Variants in MANBA observed in about 807,000 individuals in gnomAD.
MANBA encodes the protein beta-mannosidase.
MANBA carries 83 observed loss-of-function variants against 111.1 expected under a neutral mutation model. The observed-to-expected ratio is 0.75, with a 90% confidence interval of 0.63 to 0.90. The LOEUF is 0.90. MANBA is among the 40% of genes least tolerant of loss of function. The pLI is 0.00. For synonymous variants in MANBA, 370 were observed against 378.7 expected (o/e 0.98, Z 0.27); for missense variants, 1,036 against 1,069.0 (o/e 0.97, Z 0.43).
intron 5 of MANBA, among the ~76,000 whole-genome samples, chr4:102,705,496 C>T (rs1188128940): frequency 6.6e-6 from 1 of 152,156 alleles, no homozygotes; most frequent in African/African-American, 2.4e-5. Context: ...ACTCCACCCC[C>T]TCAGGAGCAG....
In MANBA at chr4:102,631,397, A is replaced by G. The variant is rs1036017650; in HGVS notation, c.*660T>C. On this transcript the variant is annotated 3_prime_UTR_variant, in exon 17 of 17. Coordinates refer to ENST00000647097, the MANE Select transcript of MANBA (RefSeq NM_005908.4). ...CTCTCCCAGTTTACCAAGCAGAATA[A>G]TAACGAGAACTAAATGGAAATTAGG... 21 of 192,498 alleles carry G rather than the reference A, an allele frequency of 1.1e-4. No individual in the cohort carries two copies. Among genetic ancestry groups the G allele is most frequent in the Non-Finnish European group, 2.0e-4 (19 of 95,600 alleles). The allele number at this position is 192,498 out of a possible 1,614,324, so 11.9% of individuals were successfully genotyped here.
chr4:102,687,581 TC>T (rs1189753375), intron 7 of MANBA, among the ~76,000 whole-genome samples: 1 of 152,156 alleles, frequency 6.6e-6, no homozygotes, highest in Non-Finnish European at 1.5e-5. Context: ...CACGTTCTTT[TC>T]CCTCCGCCTC....
At chr4:102,698,229 T>G (rs1428092167) in intron 5 of MANBA, among the ~76,000 whole-genome samples, 1 of 152,182 alleles carries the variant, frequency 6.6e-6, no homozygotes, top group East Asian at 1.9e-4. Flanking sequence ...TAAATTTGTT[T>G]GAGTTCATTG....
intron 13 of MANBA, among the ~76,000 whole-genome samples, chr4:102,646,378 A>G (rs1188300790): frequency 9.9e-5 from 15 of 152,126 alleles, no homozygotes; most frequent in Admixed American, 9.8e-4. Context: ...GGCAGCAGGT[A>G]TCATCAAAAC....
intron 4 of MANBA, among the ~76,000 whole-genome samples, chr4:102,719,948 T>G (rs1404108049): frequency 6.6e-6 from 1 of 152,244 alleles, no homozygotes; most frequent in African/African-American, 2.4e-5. Context: ...ATCTGATTCC[T>G]GATGTTAGTG....
chr4:102,752,360 G>A (rs746708807), intron 1 of MANBA: 81 of 1,351,974 alleles, frequency 6.0e-5, no homozygotes, highest in Admixed American at 2.0e-4. Flanking sequence ...TGGGATCCCC[G>A]AACTAAAGAC....
intron 1 of MANBA, among the ~76,000 whole-genome samples, chr4:102,745,658 T>C (rs763201146): frequency 6.6e-6 from 1 of 152,114 alleles, no homozygotes; most frequent in Non-Finnish European, 1.5e-5. Context: ...ACCAAGCAAA[T>C]AAACTATTAG....
At chr4:102,702,179 C>G (rs1197614073) in intron 5 of MANBA, among the ~76,000 whole-genome samples, 1 of 151,750 alleles carries the variant, frequency 6.6e-6, no homozygotes, top group African/African-American at 2.4e-5. Context: ...GCATTCTTCA[C>G]GTAGTTCTCG....
intron 12 of MANBA, among the ~76,000 whole-genome samples, chr4:102,652,592 G>A (rs228630): frequency 0.48 from 73,297 of 151,944 alleles, 17,871 homozygotes; most frequent in South Asian, 0.54. Context: ...TAACTTATTT[G>A]GTACTCATAA....
intron 9 of MANBA, among the ~76,000 whole-genome samples, chr4:102,670,341 A>T (rs1038933011): frequency 6.6e-6 from 1 of 152,160 alleles, no homozygotes; most frequent in Non-Finnish European, 1.5e-5. Flanking sequence ...TGAAGATAAA[A>T]TATGTAGAGC....
In MANBA at chr4:102,657,777, T is replaced by G; in HGVS notation, c.1609A>C (p.Ile537Leu). ...ACTTTCCAGTTCCAGCAATCACTGA[T>G]ATAGTCATAAAAATGTACATCACCA... is the stretch of plus-strand genomic sequence containing the variant. ...YFGDVHFYDY[I>L]SDCWNWKVFP... Residue 537 changes from isoleucine to leucine, a missense_variant, in exon 12 of 17, where the codon ATC (isoleucine) becomes CTC (leucine). Physicochemically the swap from Ile to Leu is conservative, Grantham distance 5. Transcript: ENST00000647097. 6.2e-7 allele frequency: 1 copy of G among 1,613,828 alleles called. No homozygotes were observed. The highest frequency in any genetic ancestry group is 8.5e-7 in the Non-Finnish European group (1 of 1,179,720).
chr4:102,698,047 A>G (rs1732815706), intron 5 of MANBA, among the ~76,000 whole-genome samples: 1 of 151,830 alleles, frequency 6.6e-6, no homozygotes, highest in Admixed American at 6.6e-5. Context: ...AATGATTGCC[A>G]TTCTAACTGG....
At chr4:102,657,154 G>A (rs1055928963) in intron 12 of MANBA, among the ~76,000 whole-genome samples, 2 of 138,820 alleles carry the variant, frequency 1.4e-5, no homozygotes, top group Non-Finnish European at 3.0e-5. Context: ...GGAACAGAGA[G>A]AGTGAAAATC....
chr4:102,680,742 T>A (rs1297847017), intron 7 of MANBA, among the ~76,000 whole-genome samples: 1 of 152,234 alleles, frequency 6.6e-6, no homozygotes, highest in Non-Finnish European at 1.5e-5. Context: ...GCAGCATCTT[T>A]TATCCTGGCC....
At chr4:102,738,338 G>GGA (rs1177375615) in intron 1 of MANBA, among the ~76,000 whole-genome samples, 2 of 152,190 alleles carry the variant, frequency 1.3e-5, no homozygotes, top group Non-Finnish European at 2.9e-5. Context: ...CTACAACCAA[G>GGA]GACTCCCACT....
chr4:102,649,205 G>T (rs1481111937), intron 13 of MANBA, among the ~76,000 whole-genome samples: 1 of 152,080 alleles, frequency 6.6e-6, no homozygotes, highest in Non-Finnish European at 1.5e-5. Flanking sequence ...GAATAATGCT[G>T]CTATGAACAT....
intron 5 of MANBA, among the ~76,000 whole-genome samples, chr4:102,691,331 A>T (rs1732464354): frequency 6.6e-6 from 1 of 152,094 alleles, no homozygotes. Flanking sequence ...GATGGGAATT[A>T]AATGGTGACC....
chr4:102,699,779 T>C (rs983559369), intron 5 of MANBA, among the ~76,000 whole-genome samples: 1 of 150,772 alleles, frequency 6.6e-6, no homozygotes, highest in African/African-American at 2.4e-5. Context: ...ATTGAGGATT[T>C]TTGCATCAAT....
intron 1 of MANBA, among the ~76,000 whole-genome samples, chr4:102,739,356 G>C (rs1484801500): frequency 1.3e-5 from 2 of 152,142 alleles, no homozygotes; most frequent in Non-Finnish European, 2.9e-5. Context: ...TGGATTCACA[G>C]CTGAATTCTA....
Sources: gnomAD v4.1 joint callset for allele counts (sites outside exome capture counted in the v4.1 genomes callset) on GRCh38, gnomAD v4.1.1 for gene constraint, MANE v1.5 for transcripts, NCBI Gene and HGNC (gene_info 2026-07-23, HGNC 2026-07-21) for gene names.